The following KANSL1 variants were observed in gnomAD, a reference collection of about 807,000 sequenced individuals.
KANSL1 encodes the protein KAT8 regulatory NSL complex subunit 1.
KANSL1 carries 22 observed loss-of-function variants against 103.6 expected under a neutral mutation model. That is an observed-to-expected ratio of 0.21 (90% CI 0.15 to 0.30). The LOEUF (loss-of-function observed/expected upper bound fraction) is 0.30, where lower values mean the gene tolerates loss of function less well. Among genes scored for constraint, KANSL1 ranks in the 10% least tolerant of loss-of-function variants. The probability of loss-of-function intolerance (pLI) is 1.00; values close to 1 mark genes in which losing one functional copy is unlikely to be tolerated. For missense variants in KANSL1, 1,337 were observed against 1,399.8 expected (o/e 0.96, Z 0.72); for synonymous variants, 600 against 527.6 (o/e 1.14, Z -1.88).
chr17:46,221,925 C>G (rs1399907265), intron 1 of KANSL1: 1 of 152,204 alleles, frequency 6.6e-6, no homozygotes, highest in African/African-American at 2.4e-5. Flanking sequence ...CTTTTATTTT[C>G]CAGCCCACAA....
chr17:46,130,090 A>G (rs976183658), intron 2 of KANSL1, among the ~76,000 whole-genome samples: 1 of 151,202 alleles, frequency 6.6e-6, no homozygotes, highest in Non-Finnish European at 1.5e-5. Context: ...GGAGGCTGAG[A>G]CGGGAGAATC....
At chr17:46,142,459 A>G (rs1004557263) in intron 2 of KANSL1, among the ~76,000 whole-genome samples, 4 of 152,138 alleles carry the variant, frequency 2.6e-5, no homozygotes, top group Non-Finnish European at 5.9e-5. Context: ...TACAAAGAAA[A>G]AAAAATTTTT....
intron 2 of KANSL1, among the ~76,000 whole-genome samples, chr17:46,110,581 G>A (rs1013918736): frequency 6.6e-6 from 1 of 152,212 alleles, no homozygotes; most frequent in East Asian, 1.9e-4. Context: ...AAGTATTACT[G>A]CCAAATCAAT....
At chr17:46,119,577 G>T (rs1472406406) in intron 2 of KANSL1, among the ~76,000 whole-genome samples, 1 of 152,094 alleles carries the variant, frequency 6.6e-6, no homozygotes, top group Non-Finnish European at 1.5e-5. Flanking sequence ...AAAGCGCTGG[G>T]GATACAGGCG....
Position 46,203,195 on chromosome 17 carries a change from C to T in KANSL1, c.-90+20476G>A, listed in dbSNP as rs557003601. ...GGTTGCAGTGTCAGTGAGCTGAGAT[C>T]GCGCCACTGCACTCCAGCCTGAACG... On this transcript the variant is annotated intron_variant, in intron 1 of 14. Coordinates refer to the KANSL1 transcript ENST00000572904. Among the ~76,000 whole-genome samples the T allele has an allele frequency of 1.4e-3, 213 of 152,236 alleles. 1 individual carries two copies. The highest frequency in any genetic ancestry group is 5.0e-3 in the African/African-American group (208 of 41,516).
intron 2 of KANSL1, among the ~76,000 whole-genome samples, chr17:46,149,262 A>T (rs1018431839): frequency 6.6e-6 from 1 of 152,150 alleles, no homozygotes; most frequent in Non-Finnish European, 1.5e-5. Flanking sequence ...CGGCCTCCCA[A>T]AGTGCTGGGA....
intron 2 of KANSL1, among the ~76,000 whole-genome samples, chr17:46,143,201 T>G (rs1454627431): frequency 6.6e-6 from 1 of 152,228 alleles, no homozygotes; most frequent in Non-Finnish European, 1.5e-5. Context: ...GGTGAGAATA[T>G]TTACATATAT....
chr17:46,111,734 T>C (rs371257319), intron 2 of KANSL1, among the ~76,000 whole-genome samples: 52 of 152,212 alleles, frequency 3.4e-4, no homozygotes, highest in Non-Finnish European at 6.3e-4. Flanking sequence ...TTGATATTGA[T>C]ATAACCAACT....
At chr17:46,101,480 G>A (rs564550065) in intron 2 of KANSL1, among the ~76,000 whole-genome samples, 1 of 152,198 alleles carries the variant, frequency 6.6e-6, no homozygotes, top group African/African-American at 2.4e-5. Context: ...AGCTGGGCAC[G>A]GTGGCTCAGG....
chr17:46,036,897 G>A (rs1473864703), intron 10 of KANSL1, among the ~76,000 whole-genome samples: 4 of 151,996 alleles, frequency 2.6e-5, no homozygotes, highest in African/African-American at 9.7e-5. Context: ...TTTTTAGTAG[G>A]GATAGGGTTT....
chr17:46,162,592 C>T (rs2532288), intron 2 of KANSL1, among the ~76,000 whole-genome samples: 21,957 of 152,162 alleles, frequency 0.14, 2,140 homozygotes, highest in Non-Finnish European at 0.22. Flanking sequence ...ATGCAATCAG[C>T]CACAAGCCCT....
intron 1 of KANSL1, among the ~76,000 whole-genome samples, chr17:46,185,142 A>T (rs892737552): frequency 2.0e-5 from 3 of 152,146 alleles, no homozygotes; most frequent in African/African-American, 4.8e-5. Flanking sequence ...TGTACTTCTT[A>T]AAAAAGGAGG....
Position 46,171,354 on chromosome 17 carries a change from C to A in KANSL1, c.790G>T (p.Glu264Ter). 6.2e-7 allele frequency: 1 copy of A among 1,614,140 alleles called. No homozygotes were observed. The highest frequency in any genetic ancestry group is 8.5e-7 in the Non-Finnish European group (1 of 1,180,040). The stretch of plus-strand genomic sequence containing the variant: ...GAAGACAGGGGAGACTTTTTACCCT[C>A]CAATTTGACACCCCCCAAGTTAGAG... ...SSSNLGGVKLEGKKSPLSSIL... is the reference protein window; with the variant it reads ...SSSNLGGVKL The change falls in exon 2 of 15, where the codon GAG becomes TAG. Residue 264 changes from glutamate to a stop codon, truncating the protein, a stop_gained. Coordinates refer to ENST00000432791, the MANE Select transcript of KANSL1 (RefSeq NM_015443.4). LOFTEE classifies it high-confidence loss of function.
intron 1 of KANSL1, among the ~76,000 whole-genome samples, chr17:46,214,809 G>GCA (rs991806897): frequency 6.6e-6 from 1 of 152,232 alleles, no homozygotes; most frequent in Non-Finnish European, 1.5e-5. Context: ...ACACTCACAT[G>GCA]CACACACACT....
chr17:46,073,026 T>C (rs1239277137), intron 4 of KANSL1, among the ~76,000 whole-genome samples: 1 of 152,252 alleles, frequency 6.6e-6, no homozygotes, highest in African/African-American at 2.4e-5. Flanking sequence ...TCTAACACTG[T>C]GGGTCAAATA....
intron 1 of KANSL1, among the ~76,000 whole-genome samples, chr17:46,187,982 G>A (rs1247629629): frequency 1.3e-5 from 2 of 152,134 alleles, no homozygotes; most frequent in African/African-American, 4.8e-5. Flanking sequence ...AATATATATT[G>A]CAGCTCTTTT....
intron 1 of KANSL1, among the ~76,000 whole-genome samples, chr17:46,189,906 C>CCAAAA (rs762119259): frequency 8.9e-6 from 1 of 112,478 alleles, no homozygotes; most frequent in Admixed American, 9.5e-5. Flanking sequence ...GACCCTGCCT[C>CCAAAA]AAAAAAAAAA....
chr17:46,220,496 G>A lies in KANSL1; in HGVS notation c.-90+3175C>T, dbSNP rs1459916430. ...CTCCCAAAGTGCTGGGATTACAGGC[G>A]TGAGCCACTGCGCCCAGCTAAAATT... On this transcript the variant is annotated intron_variant, in intron 1 of 14. Coordinates refer to the KANSL1 transcript ENST00000572904. Among the ~76,000 whole-genome samples, 5 of 152,204 alleles carry A rather than the reference G, an allele frequency of 3.3e-5. No individual in the cohort carries two copies. In the East Asian group the frequency reaches 9.7e-4, roughly 30 times the overall value.
intron 4 of KANSL1, among the ~76,000 whole-genome samples, chr17:46,068,405 A>G (rs1466220383): frequency 6.6e-6 from 1 of 152,002 alleles, no homozygotes; most frequent in Non-Finnish European, 1.5e-5. Context: ...CTCTACAACA[A>G]AAAAATACAA....
Sources: allele counts gnomAD v4.1 joint callset (sites outside exome capture counted in the v4.1 genomes callset), GRCh38; gene constraint gnomAD v4.1.1; transcripts MANE v1.5; gene names NCBI Gene and HGNC (gene_info 2026-07-23, HGNC 2026-07-21).